Variants in DDX4 observed in about 807,000 individuals in gnomAD.
DDX4 encodes the protein DEAD-box helicase 4, also known as probable ATP-dependent RNA helicase DDX4.
Under a neutral mutation model 100.0 loss-of-function variants are expected in DDX4, and 25 were observed. That is an observed-to-expected ratio of 0.25 (90% CI 0.18 to 0.35). DDX4 has a LOEUF of 0.35. Among genes scored for constraint, DDX4 ranks in the 10% least tolerant of loss-of-function variants. The probability of loss-of-function intolerance (pLI) is 1.00; values close to 1 mark genes in which losing one functional copy is unlikely to be tolerated. For synonymous variants in DDX4, 259 were observed against 275.7 expected, an observed-to-expected ratio of 0.94 and a Z score of 0.60; for missense variants, 635 against 882.4, an observed-to-expected ratio of 0.72 and a Z score of 3.55.
chr5:55,765,997 T>G (rs1386686094), intron 6 of DDX4, among the ~76,000 whole-genome samples: 1 of 151,304 alleles, frequency 6.6e-6, no homozygotes, highest in Non-Finnish European at 1.5e-5. Flanking sequence ...TTTTGTATTT[T>G]TAGTAGAGAC....
chr5:55,809,823 G>A (rs1178643263), intron 18 of DDX4, among the ~76,000 whole-genome samples: 1 of 152,176 alleles, frequency 6.6e-6, no homozygotes, highest in Non-Finnish European at 1.5e-5. Context: ...TTAGGAAAGA[G>A]GTAAGGTTAG....
At chr5:55,763,069 A>G (rs1223226961) in intron 4 of DDX4, 106 bp from the exon 5 acceptor site, 5 of 718,408 alleles carry the variant, frequency 7.0e-6, no homozygotes, top group Non-Finnish European at 1.2e-5. Context: ...CTCTTTTCCC[A>G]TCCTTGGAAG....
At chr5:55,781,009 A>G in intron 8 of DDX4, 57 bp from the exon 9 acceptor site, 1 of 1,494,524 alleles carries the variant, frequency 6.7e-7, no homozygotes, top group Non-Finnish European at 9.1e-7. Flanking sequence ...TGTTTACTGA[A>G]CGATTAAAAA....
intron 3 of DDX4, among the ~76,000 whole-genome samples, chr5:55,753,394 A>T (rs1759699102): frequency 6.6e-6 from 1 of 152,148 alleles, no homozygotes; most frequent in Admixed American, 6.5e-5. Context: ...ACATATGGCT[A>T]GCCAGTGTTC....
intron 18 of DDX4, among the ~76,000 whole-genome samples, chr5:55,809,838 G>A (rs912101574): frequency 6.6e-6 from 1 of 152,184 alleles, no homozygotes; most frequent in Non-Finnish European, 1.5e-5. Flanking sequence ...GGTTAGAGAC[G>A]TTTTAAAAAG....
intron 7 of DDX4, among the ~76,000 whole-genome samples, chr5:55,771,592 G>T (rs1344448786): frequency 6.6e-6 from 1 of 152,132 alleles, no homozygotes; most frequent in Non-Finnish European, 1.5e-5. Context: ...ATACTCAGAA[G>T]AAGAATTGCT....
chr5:55,745,851 G>T (rs1759220636), intron 2 of DDX4, among the ~76,000 whole-genome samples: 1 of 152,224 alleles, frequency 6.6e-6, no homozygotes, highest in Admixed American at 6.5e-5. Flanking sequence ...TTACCTGTCT[G>T]TCACAACTTT....
At position 55,740,843 on chromosome 5, in the gene DDX4, A is replaced by G. The variant is rs558401748; in HGVS notation, c.69+1811A>G. ...CCATATAACAGTAACTTTTGAATCC[A>G]TCTTTCTTGACACTTCAGCACTAAC... On this transcript the variant is annotated intron_variant, in intron 2 of 21. Coordinates refer to ENST00000505374, the MANE Select transcript of DDX4 (RefSeq NM_024415.3). Among the ~76,000 whole-genome samples, 3 of 152,194 alleles carry G rather than the reference A, an allele frequency of 2.0e-5. No homozygotes were observed. The Middle Eastern group carries it at 0.01, about 518-fold the overall frequency.
At chr5:55,813,573 G>A (rs1249225120) in intron 18 of DDX4, 100 bp from the exon 19 acceptor site, 1 of 1,415,690 alleles carries the variant, frequency 7.1e-7, no homozygotes, top group Non-Finnish European at 9.2e-7. Flanking sequence ...AAATACAGTG[G>A]TGGACAAAGT....
intron 7 of DDX4, among the ~76,000 whole-genome samples, chr5:55,772,613 C>T (rs1460910771): frequency 6.6e-6 from 1 of 152,086 alleles, no homozygotes; most frequent in Non-Finnish European, 1.5e-5. Context: ...GTATTTGGGT[C>T]ATGGGGGCGC....
chr5:55,757,463 A>G (rs1268298794), intron 3 of DDX4, among the ~76,000 whole-genome samples: 4 of 152,126 alleles, frequency 2.6e-5, no homozygotes, highest in African/African-American at 7.2e-5. Flanking sequence ...TTCTGGCTGA[A>G]TAGTATTCCA....
chr5:55,790,262 A>G (rs921339495), intron 15 of DDX4, among the ~76,000 whole-genome samples: 9 of 149,142 alleles, frequency 6.0e-5, no homozygotes, highest in Admixed American at 4.8e-4. Context: ...CTCCTGCCTC[A>G]GCCACCTGAG....
intron 3 of DDX4, 108 bp downstream of exon 3, chr5:55,746,329 T>G (rs998292292): frequency 3.2e-6 from 3 of 934,902 alleles, no homozygotes; most frequent in East Asian, 5.3e-5. Context: ...TTTAAAAAAT[T>G]TCTTAGTGAA....
intron 6 of DDX4, among the ~76,000 whole-genome samples, chr5:55,765,370 C>T (rs1740827025): frequency 8.8e-6 from 1 of 113,274 alleles, no homozygotes; most frequent in Non-Finnish European, 1.7e-5. Flanking sequence ...GATCTACTTT[C>T]TTCTTTTTTC....
rs1403916133 is a variant in DDX4, at chr5:55,760,187, T to C, written c.128-13T>C. ...TTTTTATTTGACTTACTTCAAAATGTTGTTTGCTTTAGAAATGGATGATGG... is the reference window on the plus strand; with the variant it reads ...TTTTTATTTGACTTACTTCAAAATGCTGTTTGCTTTAGAAATGGATGATGG... On this transcript the variant is annotated splice_polypyrimidine_tract_variant and intron_variant, in intron 3 of 21. Coordinates refer to ENST00000505374, the MANE Select transcript of DDX4 (RefSeq NM_024415.3). 4 of 1,488,114 alleles carry C rather than the reference T, an allele frequency of 2.7e-6. No individual in the cohort carries two copies. Among genetic ancestry groups the C allele is most frequent in the Non-Finnish European group, 3.7e-6 (4 of 1,090,938 alleles). The allele number at this position is 1,488,114 out of a possible 1,614,324, so 92.2% of individuals were successfully genotyped here.
intron 7 of DDX4, among the ~76,000 whole-genome samples, chr5:55,770,315 G>T (rs1741178715): frequency 6.6e-6 from 1 of 152,108 alleles, no homozygotes; most frequent in Non-Finnish European, 1.5e-5. Flanking sequence ...CTTTGTCTCT[G>T]AATAGAGTCA....
intron 18 of DDX4, among the ~76,000 whole-genome samples, chr5:55,806,221 T>A (rs1204254761): frequency 6.6e-6 from 1 of 152,172 alleles, no homozygotes; most frequent in East Asian, 1.9e-4. Context: ...TCTTTTCTTC[T>A]TTATTAGTCT....
At chr5:55,741,824 C>T (rs1051389241) in intron 2 of DDX4, among the ~76,000 whole-genome samples, 11 of 151,256 alleles carry the variant, frequency 7.3e-5, no homozygotes, top group Admixed American at 4.6e-4. Flanking sequence ...GAGATGAATA[C>T]ATTACATTTT....
chr5:55,770,095 T>C (rs1466839453), intron 7 of DDX4, among the ~76,000 whole-genome samples: 1 of 152,172 alleles, frequency 6.6e-6, no homozygotes, highest in Non-Finnish European at 1.5e-5. Context: ...CTGGAACTCC[T>C]GACCCTCAGG....
Sources: gnomAD v4.1 joint callset for allele counts (sites outside exome capture counted in the v4.1 genomes callset) on GRCh38, gnomAD v4.1.1 for gene constraint, MANE v1.5 for transcripts, NCBI Gene and HGNC (gene_info 2026-07-23, HGNC 2026-07-21) for gene names.